PSME4: variants seen among roughly 807,000 people sequenced by gnomAD.
PSME4 encodes proteasome activator subunit 4, also known as proteasome activator complex subunit 4.
PSME4 carries 89 observed loss-of-function variants against 253.9 expected under a neutral mutation model. That is an observed-to-expected ratio of 0.35 (90% CI 0.30 to 0.42). The LOEUF is 0.42. Ranked by LOEUF, PSME4 falls within the 10% of genes least tolerant of loss-of-function variation. The pLI is 1.00. For synonymous variants in PSME4, 851 were observed against 759.2 expected (o/e 1.12, Z -1.99); for missense variants, 2,014 against 2,195.2 (o/e 0.92, Z 1.65).
intron 24 of PSME4, 103 bp downstream of exon 24, chr2:53,908,217 C>G: frequency 2.4e-6 from 2 of 827,084 alleles, no homozygotes; most frequent in Non-Finnish European, 3.6e-6. Context: ...TACTATTTTT[C>G]CTTTTAGGAA....
chr2:53,883,502 G>A (rs773692026), intron 41 of PSME4, among the ~76,000 whole-genome samples: 13 of 152,232 alleles, frequency 8.5e-5, no homozygotes, highest in South Asian at 2.1e-4. Context: ...GGGGGGGTGC[G>A]GGGTCCATGT....
At chr2:53,940,950 TAC>T (rs59634282) in intron 3 of PSME4, among the ~76,000 whole-genome samples, 688 of 16,398 alleles carry the variant, frequency 0.042, 60 homozygotes, top group African/African-American at 0.13. Context: ...AATATATATA[TAC>T]ATATATATAT....
chr2:53,871,502 C>T (rs1678873954), intron 43 of PSME4, among the ~76,000 whole-genome samples: 1 of 151,958 alleles, frequency 6.6e-6, no homozygotes, highest in South Asian at 2.1e-4. Flanking sequence ...GATCCGCCCA[C>T]CTCGGCCTCC....
In PSME4 at chr2:53,897,886, G is replaced by C; in HGVS notation, c.3590C>G (p.Ala1197Gly). 6.2e-7 allele frequency: 1 copy of C among 1,613,656 alleles called. No homozygotes were observed. Among genetic ancestry groups the C allele is most frequent in the Non-Finnish European group, 8.5e-7 (1 of 1,179,646 alleles). Residue 1197 changes from alanine (A) to glycine (G), a missense_variant, in exon 31 of 47, where the codon GCA becomes GGA. Ala to Gly is a moderately conservative substitution (Grantham distance 60). Around this residue, in one of 4 missense-constraint regions of PSME4, gnomAD observed 989 missense variants for 1,021.1 expected, o/e 0.97. Coordinates refer to ENST00000404125, the MANE Select transcript of PSME4 (RefSeq NM_014614.3). The stretch of plus-strand genomic sequence containing the variant: ...GGTATGTACCTTTCGAACTACAATT[G>C]CATCATGGTTGAGATTCTCAACAAA... Reference protein sequence around the residue: ...RFFVENLNHDAIVVRKMAISA... With the variant: ...RFFVENLNHDGIVVRKMAISA...
chr2:53,893,547 T>A, intron 35 of PSME4, 127 bp downstream of exon 35: 1 of 1,518,430 alleles, frequency 6.6e-7, no homozygotes, highest in Non-Finnish European at 8.8e-7. Flanking sequence ...ACATGTTCAG[T>A]GTAAATTCCA....
chr2:53,881,789 G>C (rs1004800161), intron 41 of PSME4, among the ~76,000 whole-genome samples: 19 of 152,076 alleles, frequency 1.2e-4, no homozygotes, highest in African/African-American at 4.3e-4. Context: ...TCACCATGTG[G>C]TTCAGGCTGG....
At chr2:53,955,425 T>C (rs1250834517) in intron 1 of PSME4, among the ~76,000 whole-genome samples, 1 of 152,224 alleles carries the variant, frequency 6.6e-6, no homozygotes, top group Admixed American at 6.5e-5. Context: ...GTATATTTTA[T>C]GTGTGGCCCA....
Position 53,869,709 on chromosome 2 carries a change from T to A in PSME4, c.5101-171A>T, listed in dbSNP as rs74477004. ...GAGATTTCAGCAGATTCTCAAAGAG[T>A]TTGTGGCCTCATAATGGATAAAAAC... On this transcript the variant is annotated intron_variant, in intron 43 of 46. Transcript: ENST00000404125. 1,016 of 452,300 alleles carry A rather than the reference T, an allele frequency of 2.2e-3. 3 individuals are homozygous for A. The highest frequency in any genetic ancestry group is 4.3e-3 in the South Asian group (56 of 12,874). 28.0% of individuals were successfully genotyped at this position (452,300 alleles called of 1,614,324 possible).
At chr2:53,937,330 GTTTC>G in intron 5 of PSME4, 57 bp downstream of exon 5, 2 of 1,395,058 alleles carry the variant, frequency 1.4e-6, no homozygotes, top group East Asian at 2.4e-5. Context: ...TGTTTTACTA[GTTTC>G]TTTATCTGTA....
chr2:53,899,833 C>T, intron 29 of PSME4, 48 bp downstream of exon 29: 1 of 1,592,674 alleles, frequency 6.3e-7, no homozygotes, highest in Non-Finnish European at 8.5e-7. Flanking sequence ...AAAGCCAAAA[C>T]TTACTATCTA....
rs1553338430 is a variant in PSME4, at chr2:53,940,955, A to ATTTT, written c.501-956_501-955insAAAA. Among the ~76,000 whole-genome samples the ATTTT allele has an allele frequency of 4.7e-4, 16 of 34,352 alleles. 1 individual carries two copies. The highest frequency in any genetic ancestry group is 1.1e-3 in the East Asian group (1 of 878). The allele number at this position is 34,352 out of a possible 152,430, so 22.5% of individuals were successfully genotyped here. A position where few individuals can be genotyped will look rare whatever the true frequency, so the allele number is the denominator to read the frequency against. ...TACATATATAAATATATATATACAT[A>ATTTT]TATATATATATATATATATATATAT... On this transcript the variant is annotated intron_variant, in intron 3 of 46. Coordinates refer to ENST00000404125, the MANE Select transcript of PSME4 (RefSeq NM_014614.3).
chr2:53,880,198 C>A (rs1679318036), intron 41 of PSME4, among the ~76,000 whole-genome samples: 1 of 152,120 alleles, frequency 6.6e-6, no homozygotes. Context: ...GGCTTATGCC[C>A]ATCATCCTAG....
chr2:53,881,116 A>ATAGATTATATACTAAACTG (rs1378221669), intron 41 of PSME4, among the ~76,000 whole-genome samples: 5 of 152,258 alleles, frequency 3.3e-5, no homozygotes, highest in Non-Finnish European at 5.9e-5. Flanking sequence ...ATTTCACCAG[A>ATAGATTATATACTAAACTG]TAGATTATAT....
chr2:53,954,148 T>G (rs1670125506), intron 1 of PSME4, among the ~76,000 whole-genome samples: 1 of 150,798 alleles, frequency 6.6e-6, no homozygotes, highest in Admixed American at 6.6e-5. Context: ...ACCAACACAG[T>G]GAAACCCCAT....
At chr2:53,942,719 G>T (rs568751686) in intron 3 of PSME4, among the ~76,000 whole-genome samples, 6 of 152,198 alleles carry the variant, frequency 3.9e-5, no homozygotes, top group South Asian at 2.1e-4. Flanking sequence ...ATAATAAATT[G>T]TATTCTCAAT....
chr2:53,867,501 G>GAAAAAA (rs1223931718), intron 44 of PSME4, among the ~76,000 whole-genome samples: 11 of 113,438 alleles, frequency 9.7e-5, no homozygotes, highest in African/African-American at 3.4e-4. Context: ...TCCGTCTCAA[G>GAAAAAA]GAAAAAAAAA....
At chr2:53,873,594 T>C (rs1466950311) in intron 43 of PSME4, among the ~76,000 whole-genome samples, 2 of 152,368 alleles carry the variant, frequency 1.3e-5, no homozygotes, top group African/African-American at 4.8e-5. Context: ...ATTATCTTTT[T>C]GTACAAACCA....
At chr2:53,886,243 T>TA (rs1380488613) in intron 40 of PSME4, among the ~76,000 whole-genome samples, 5 of 152,078 alleles carry the variant, frequency 3.3e-5, no homozygotes, top group Non-Finnish European at 7.4e-5. Flanking sequence ...CCCCTGTCTC[T>TA]AGAAAATATT....
chr2:53,883,734 ATTCTTATAC>A (rs1416787438), intron 41 of PSME4, among the ~76,000 whole-genome samples: 1 of 147,546 alleles, frequency 6.8e-6, no homozygotes. Context: ...TGTTGGCTCA[ATTCTTATAC>A]TTCTTTTTTT....
Sources: gnomAD v4.1 joint callset for allele counts (sites outside exome capture counted in the v4.1 genomes callset) on GRCh38, gnomAD v4.1.1 for gene constraint, gnomAD v4.1.1 regional missense constraint, MANE v1.5 for transcripts, NCBI Gene and HGNC (gene_info 2026-07-23, HGNC 2026-07-21) for gene names.